BBS9: variants seen among roughly 807,000 people sequenced by gnomAD.
BBS9 encodes protein PTHB1.
Under a neutral mutation model 117.7 loss-of-function variants are expected in BBS9, and 89 were observed. The ratio of observed to expected loss-of-function variants is 0.76; its 90% CI spans 0.64 to 0.90. BBS9 has a LOEUF of 0.90. BBS9 is among the 40% of genes least tolerant of loss of function. The pLI, the probability that BBS9 is intolerant of heterozygous loss-of-function variation, is 0.00. For synonymous variants in BBS9, 379 were observed against 370.9 expected (o/e 1.02, Z -0.25); for missense variants, 982 against 1,042.2 (o/e 0.94, Z 0.80).
chr7:33,139,474 A>G (rs1001643784), intron 1 of BBS9, among the ~76,000 whole-genome samples: 1 of 150,498 alleles, frequency 6.6e-6, no homozygotes, highest in Admixed American at 6.7e-5. Context: ...TTATTGACTC[A>G]CAGGTTTTTA....
intron 21 of BBS9, among the ~76,000 whole-genome samples, chr7:33,587,929 G>C (rs1861210293): frequency 2.0e-5 from 3 of 152,086 alleles, no homozygotes; most frequent in Admixed American, 2.0e-4. Flanking sequence ...AAAATAAACT[G>C]TTCCAGGCCA....
chr7:33,466,411 CGCCCGGTTT>C (rs1563213537), intron 19 of BBS9, among the ~76,000 whole-genome samples: 1 of 10,588 alleles, frequency 9.4e-5, no homozygotes, highest in Non-Finnish European at 1.4e-4. Flanking sequence ...TTTCTGGGCC[CGCCCGGTTT>C]ATTTCACTTA....
At chr7:33,586,771 C>A (rs1860968346) in intron 21 of BBS9, among the ~76,000 whole-genome samples, 1 of 152,016 alleles carries the variant, frequency 6.6e-6, no homozygotes, top group Non-Finnish European at 1.5e-5. Context: ...AGCTGGAAAC[C>A]ATTATCCTAA....
chr7:33,197,859 G>T (rs1366508645), intron 5 of BBS9, among the ~76,000 whole-genome samples: 1 of 151,756 alleles, frequency 6.6e-6, no homozygotes, highest in African/African-American at 2.4e-5. Flanking sequence ...CAAGAATATT[G>T]AGAATAGAGT....
rs539578269 is a variant in BBS9, at chr7:33,494,453, G to C, written c.2116-11010G>C. ...GCAGTAAACTCAGCAGTAAAGACTT[G>C]AATGAATTTAGGAATTCATTGTAAT... On this transcript the variant is annotated intron_variant, in intron 19 of 22. Transcript: ENST00000242067. Among the ~76,000 whole-genome samples, 26 of 152,294 alleles carry C rather than the reference G, an allele frequency of 1.7e-4. No individual in the cohort carries two copies. The South Asian group carries it at 5.4e-3, about 32-fold the overall frequency.
intron 21 of BBS9, among the ~76,000 whole-genome samples, chr7:33,541,943 A>C (rs1442314776): frequency 8.2e-6 from 1 of 122,160 alleles, no homozygotes; most frequent in East Asian, 2.5e-4. Context: ...ATATCTCAAT[A>C]AACTTGTTTA....
chr7:33,173,397 C>T (rs12536902), intron 4 of BBS9, among the ~76,000 whole-genome samples: 21 of 151,726 alleles, frequency 1.4e-4, no homozygotes, highest in African/African-American at 4.8e-4. Context: ...TGGCTAACAC[C>T]GTGAAACCCC....
chr7:33,193,032 G>C (rs751705655), intron 5 of BBS9, among the ~76,000 whole-genome samples: 5 of 152,144 alleles, frequency 3.3e-5, no homozygotes, highest in Non-Finnish European at 7.3e-5. Context: ...AGTCATTTTA[G>C]ATCTATCCCT....
chr7:33,483,433 C>G (rs1482089364), intron 19 of BBS9, among the ~76,000 whole-genome samples: 2 of 152,124 alleles, frequency 1.3e-5, no homozygotes, highest in East Asian at 3.9e-4. Flanking sequence ...GCATATATAC[C>G]TTGCCTAGAA....
chr7:33,484,918 A>G (rs1842901513), intron 19 of BBS9, among the ~76,000 whole-genome samples: 1 of 152,248 alleles, frequency 6.6e-6, no homozygotes, highest in Non-Finnish European at 1.5e-5. Flanking sequence ...GATAGCATGG[A>G]TAAATAAAAT....
At chr7:33,295,600 T>G (rs1368306626) in intron 9 of BBS9, among the ~76,000 whole-genome samples, 1 of 151,906 alleles carries the variant, frequency 6.6e-6, no homozygotes, top group Non-Finnish European at 1.5e-5. Context: ...AAAAACACAG[T>G]TCCAGATAAT....
intron 20 of BBS9, among the ~76,000 whole-genome samples, chr7:33,525,862 G>T (rs1849406098): frequency 6.6e-6 from 1 of 150,568 alleles, no homozygotes; most frequent in African/African-American, 2.5e-5. Flanking sequence ...TTTACATTTT[G>T]GCATGATTTT....
intron 19 of BBS9, among the ~76,000 whole-genome samples, chr7:33,434,278 T>TAAAAAA (rs36043262): frequency 7.5e-6 from 1 of 132,684 alleles, no homozygotes. Context: ...TCCTGTTTGC[T>TAAAAAA]AAAAAAAAAA....
rs184037894 is a variant in BBS9 at position 33,476,679 on chromosome 7, A to G, written c.2116-28784A>G. 2.0e-3 allele frequency among the ~76,000 whole-genome samples: 302 copies of G among 152,216 alleles called. 1 individual carries two copies. The highest frequency in any genetic ancestry group is 3.4e-3 in the Middle Eastern group (1 of 294). ...TTACTTCTCAGCTCCCTCATTACCT[A>G]CTAAACTCCACATCAAAGTCCCTCA... On this transcript the variant is annotated intron_variant, in intron 19 of 22. Transcript: ENST00000242067.
intron 19 of BBS9, among the ~76,000 whole-genome samples, chr7:33,462,589 T>A (rs912652994): frequency 6.6e-6 from 1 of 152,132 alleles, no homozygotes; most frequent in Non-Finnish European, 1.5e-5. Flanking sequence ...TCCTAATGTA[T>A]GTAGTTCACA....
chr7:33,145,860 C>T (rs1177673370), intron 1 of BBS9, among the ~76,000 whole-genome samples: 1 of 152,130 alleles, frequency 6.6e-6, no homozygotes, highest in Non-Finnish European at 1.5e-5. Flanking sequence ...AGTGCAGTCT[C>T]GCCAATGACT....
chr7:33,173,572 A>C (rs1012467564), intron 4 of BBS9, among the ~76,000 whole-genome samples: 17 of 93,656 alleles, frequency 1.8e-4, no homozygotes, highest in African/African-American at 5.5e-4. Context: ...ACTCCATCCT[A>C]AAAAAAAAAA....
intron 5 of BBS9, among the ~76,000 whole-genome samples, chr7:33,219,630 T>G (rs1789818428): frequency 6.6e-6 from 1 of 152,182 alleles, no homozygotes; most frequent in South Asian, 2.1e-4. Flanking sequence ...AACCTTTGTG[T>G]GGACACTCCG....
intron 19 of BBS9, among the ~76,000 whole-genome samples, chr7:33,450,414 T>G (rs191804227): frequency 2.0e-5 from 3 of 152,202 alleles, no homozygotes; most frequent in Non-Finnish European, 4.4e-5. Flanking sequence ...TAGATCATGT[T>G]GTAGTTCTAT....
Sources: gnomAD v4.1 joint callset for allele counts (sites outside exome capture counted in the v4.1 genomes callset) on GRCh38, gnomAD v4.1.1 for gene constraint, MANE v1.5 for transcripts, NCBI Gene and HGNC (gene_info 2026-07-23, HGNC 2026-07-21) for gene names.